The following IARS1 variants were observed in gnomAD, a reference collection of about 807,000 sequenced individuals.
IARS1 encodes the protein isoleucine--tRNA ligase, cytoplasmic.
A neutral mutation model predicts 168.2 loss-of-function variants in IARS1; 124 were observed. The ratio of observed to expected loss-of-function variants is 0.74; its 90% confidence interval spans 0.64 to 0.86. The LOEUF is 0.86. Among genes scored for constraint, IARS1 ranks in the 40% least tolerant of loss-of-function variants. The pLI is 0.00. For synonymous variants in IARS1, 532 were observed against 529.4 expected (o/e 1.00, Z -0.07); for missense variants, 1,452 against 1,515.8 (o/e 0.96, Z 0.70).
At chr9:92,225,425 G>C (rs936304438) in intron 31 of IARS1, among the ~76,000 whole-genome samples, 1 of 152,064 alleles carries the variant, frequency 6.6e-6, no homozygotes, top group African/African-American at 2.4e-5. Context: ...TTATACCTCA[G>C]TGAAGTTAAA....
At chr9:92,282,857 T>C (rs1248395753) in intron 6 of IARS1, among the ~76,000 whole-genome samples, 1 of 141,790 alleles carries the variant, frequency 7.1e-6, no homozygotes, top group Non-Finnish European at 1.5e-5. Context: ...TATATATATA[T>C]ATATTTTTTT....
At chr9:92,259,261 T>G (rs1831184470) in intron 18 of IARS1, among the ~76,000 whole-genome samples, 1 of 152,164 alleles carries the variant, frequency 6.6e-6, no homozygotes, top group South Asian at 2.1e-4. Context: ...CTTATGCCAC[T>G]CTCACTGCAG....
chr9:92,278,575 T>C (rs949940409), intron 7 of IARS1, among the ~76,000 whole-genome samples: 16 of 152,222 alleles, frequency 1.1e-4, no homozygotes, highest in African/African-American at 3.6e-4. Flanking sequence ...AACATGTCAA[T>C]GTTTAAAAAT....
chr9:92,242,691 G>T, intron 28 of IARS1: 1 of 228,802 alleles, frequency 4.4e-6, no homozygotes, highest in Non-Finnish European at 8.6e-6. Context: ...GAACCGTCTG[G>T]GAAGAAAGAT....
intron 21 of IARS1, chr9:92,252,341 C>G (rs543990008): frequency 2.0e-6 from 1 of 507,204 alleles, no homozygotes; most frequent in African/African-American, 1.9e-5. Context: ...TTCCTACAAT[C>G]ATAATTAATT....
At chr9:92,228,613 TC>T (rs1826134163) in intron 31 of IARS1, among the ~76,000 whole-genome samples, 1 of 151,610 alleles carries the variant, frequency 6.6e-6, no homozygotes, top group Non-Finnish European at 1.5e-5. Context: ...ACTTGGGAGG[TC>T]AAGGCAGGAG....
chr9:92,285,516 A>G (rs942888676), intron 6 of IARS1, among the ~76,000 whole-genome samples: 10 of 152,152 alleles, frequency 6.6e-5, no homozygotes, highest in African/African-American at 2.4e-4. Context: ...CATAAATCCA[A>G]TGTGGAAAAA....
chr9:92,262,628 CGT>C (rs1396958253), intron 17 of IARS1, among the ~76,000 whole-genome samples: 1 of 151,748 alleles, frequency 6.6e-6, no homozygotes, highest in Non-Finnish European at 1.5e-5. Flanking sequence ...ACAGCTTCCT[CGT>C]GTGTTAAAAA....
intron 20 of IARS1, 37 bp downstream of exon 20, chr9:92,256,642 GT>G (rs1226364616): frequency 2.5e-6 from 4 of 1,588,932 alleles, no homozygotes; most frequent in Non-Finnish European, 3.4e-6. Flanking sequence ...AAAGAGAATA[GT>G]CCTTATTCCT....
intron 17 of IARS1, among the ~76,000 whole-genome samples, chr9:92,262,728 T>C (rs1461442331): frequency 6.6e-6 from 1 of 152,242 alleles, no homozygotes; most frequent in Non-Finnish European, 1.5e-5. Context: ...CTAAGTTTAG[T>C]AAATGCTATT....
At chr9:92,230,182 CT>C (rs1225747827) in intron 30 of IARS1, among the ~76,000 whole-genome samples, 1 of 151,940 alleles carries the variant, frequency 6.6e-6, no homozygotes, top group East Asian at 1.9e-4. Context: ...GCGATTTCGG[CT>C]CACCGCAACC....
chr9:92,293,147 A>T (rs10820966), intron 1 of IARS1, among the ~76,000 whole-genome samples: 62,032 of 152,092 alleles, frequency 0.41, 14,898 homozygotes, highest in African/African-American at 0.66. Flanking sequence ...TCCTCAATTT[A>T]GTTATATCCT....
intron 20 of IARS1, chr9:92,254,012 A>G: frequency 9.8e-6 from 4 of 408,196 alleles, no homozygotes; most frequent in South Asian, 7.4e-5. Context: ...ACTGGAATCT[A>G]ATGGGTAGAC....
chr9:92,256,817 A>C lies in IARS1; in HGVS notation c.2017-17T>G. On this transcript the variant is annotated splice_polypyrimidine_tract_variant and intron_variant, in intron 19 of 33. Transcript: ENST00000443024. ...TTCTTCCTCCTAGGAAGGAACAATT[A>C]ATGAAACACTGGCACACTTGGGAAG... The C allele has an allele frequency of 6.2e-7, 1 of 1,602,092 alleles. No individual in the cohort carries two copies. Among genetic ancestry groups the C allele is most frequent in the East Asian group, 2.2e-5 (1 of 44,682 alleles).
rs530630856 is a variant in IARS1, at chr9:92,235,549, CCT to C, written c.3283+5305_3283+5306del. Among the ~76,000 whole-genome samples, 249 of 146,240 alleles carry C rather than the reference CCT, an allele frequency of 1.7e-3. 1 individual carries two copies. Among genetic ancestry groups the C allele is most frequent in the Non-Finnish European group, 3.0e-3 (203 of 66,740 alleles). ...TTTTTTTTTTTTGAGATGGAGTCTC[CCT>C]CTGTCGCCCAGGCTGGAGCACAGTG... is the stretch of plus-strand genomic sequence containing the variant. On this transcript the variant is annotated intron_variant, in intron 30 of 33. Transcript: ENST00000443024.
chr9:92,268,073 G>A (rs924093390), intron 14 of IARS1, 101 bp downstream of exon 14: 3 of 1,197,206 alleles, frequency 2.5e-6, no homozygotes, highest in South Asian at 1.7e-5. Flanking sequence ...AATAAGAAAG[G>A]GGCAAAGAAA....
Position 92,240,918 on chromosome 9 carries a change from G to A in IARS1, c.3221C>T (p.Ser1074Phe), listed in dbSNP as rs149779047. 9.9e-6 allele frequency: 16 copies of A among 1,613,502 alleles called. No individual in the cohort carries two copies. The Middle Eastern group carries it at 1.3e-3, about 133-fold the overall frequency. Residue 1074 changes from serine (S) to phenylalanine (F), a missense_variant, in exon 30 of 34, where the codon TCC becomes TTC. Physicochemically the swap from Ser to Phe is radical, Grantham distance 155. Coordinates refer to ENST00000443024, the MANE Select transcript of IARS1 (RefSeq NM_002161.6). ...ELEITLTRGS[S>F]LPGPACAYVN... ...ATATGCACAAGCAGGACCAGGAAGG[G>A]AAGATCCTCTGGTGAGTGTAATTTC...
At chr9:92,248,248 G>A (rs970921510) in intron 25 of IARS1, among the ~76,000 whole-genome samples, 1 of 152,162 alleles carries the variant, frequency 6.6e-6, no homozygotes, top group Non-Finnish European at 1.5e-5. Flanking sequence ...TTACTGATGC[G>A]GCAGGGATGG....
chr9:92,216,214 G>C (rs1380215426), intron 33 of IARS1, among the ~76,000 whole-genome samples: 1 of 149,214 alleles, frequency 6.7e-6, no homozygotes, highest in Non-Finnish European at 1.5e-5. Context: ...TTACAGACAA[G>C]CAAATGCTGA....
Sources: allele counts gnomAD v4.1 joint callset (sites outside exome capture counted in the v4.1 genomes callset), GRCh38; gene constraint gnomAD v4.1.1; transcripts MANE v1.5; gene names NCBI Gene and HGNC (gene_info 2026-07-23, HGNC 2026-07-21).